The following ZNF862 variants were observed in gnomAD, a reference collection of about 807,000 sequenced individuals.
ZNF862 encodes zinc finger protein 862.
Under a neutral mutation model 91.1 loss-of-function variants are expected in ZNF862, and 64 were observed. That is an observed-to-expected ratio of 0.70 (90% confidence interval 0.57 to 0.87). The LOEUF (loss-of-function observed/expected upper bound fraction) is 0.87. Ranked by LOEUF, ZNF862 falls within the 40% of genes least tolerant of loss-of-function variation. The pLI, the probability that ZNF862 is intolerant of heterozygous loss-of-function variation, is 0.00. For missense variants in ZNF862, 1,459 were observed against 1,528.0 expected (o/e 0.95, Z 0.75); for synonymous variants, 631 against 618.1 (o/e 1.02, Z -0.31).
At position 149,847,771 on chromosome 7, in the gene ZNF862, T is replaced by G; in HGVS notation, c.278T>G (p.Val93Gly). ...KQMGYMGEME[V>G]QGPTRESGQS... is the part of the protein sequence containing the mutation. The stretch of plus-strand genomic sequence containing the variant: ...ATGGGCTACATGGGAGAAATGGAGG[T>G]GCAAGGTCCCACCAGGGAGAGTGGA... The change falls in exon 4 of 8, where the codon GTG (valine) becomes GGG (glycine). Residue 93 changes from valine to glycine, a missense_variant. Physicochemically the swap from Val to Gly is moderately radical, Grantham distance 109 (BLOSUM62 -3). Transcript: ENST00000223210. 6.2e-7 allele frequency: 1 copy of G among 1,613,392 alleles called. No individual in the cohort carries two copies. Among genetic ancestry groups the G allele is most frequent in the Non-Finnish European group, 8.5e-7 (1 of 1,179,674 alleles).
chr7:149,845,347 A>G (rs538218856), intron 2 of ZNF862, among the ~76,000 whole-genome samples: 39 of 152,322 alleles, frequency 2.6e-4, no homozygotes, highest in African/African-American at 9.1e-4. Context: ...ACATGTGTGT[A>G]CACATATGCA....
intron 6 of ZNF862, 153 bp downstream of exon 6, chr7:149,859,679 C>T (rs1219167102): frequency 3.2e-6 from 2 of 625,274 alleles, no homozygotes; most frequent in Non-Finnish European, 5.6e-6. Context: ...GATGAATAAG[C>T]AACTAACCCT....
rs1260349138 is a variant in ZNF862 at position 149,862,347 on chromosome 7, A to T, written c.3187A>T (p.Asn1063Tyr). ...ERTKLSNEVLNMLMMTAVNGV... is the reference protein window; with the variant it reads ...ERTKLSNEVLYMLMMTAVNGV... The stretch of plus-strand genomic sequence containing the variant: ...GACCAAGCTCTCCAACGAGGTGCTC[A>T]ACATGCTCATGATGACAGCTGTGAA... The change falls in exon 7 of 8, where the codon AAC (asparagine) becomes TAC (tyrosine). Residue 1063 changes from asparagine to tyrosine, a missense_variant. Transcript: ENST00000223210. 6.2e-7 allele frequency: 1 copy of T among 1,613,398 alleles called. No homozygotes were observed. The highest frequency in any genetic ancestry group is 1.1e-5 in the South Asian group (1 of 90,964).
chr7:149,843,673 T>C (rs1801779248), intron 1 of ZNF862, among the ~76,000 whole-genome samples: 1 of 152,178 alleles, frequency 6.6e-6, no homozygotes, highest in South Asian at 2.1e-4. Flanking sequence ...ACCGAAAATG[T>C]AATAGCTCTG....
intron 7 of ZNF862, among the ~76,000 whole-genome samples, chr7:149,863,318 C>T (rs1029218871): frequency 7.0e-6 from 1 of 143,012 alleles, no homozygotes; most frequent in African/African-American, 3.0e-5. Flanking sequence ...AGCTGGCCTC[C>T]TTCCGGCTGT....
intron 5 of ZNF862, among the ~76,000 whole-genome samples, chr7:149,852,332 C>T (rs1441911156): frequency 7.7e-6 from 1 of 130,430 alleles, no homozygotes; most frequent in Non-Finnish European, 1.6e-5. Context: ...GGGGTGAACT[C>T]AGTTTTGTGT....
chr7:149,846,130 C>CTTT (rs34196240), intron 2 of ZNF862, 21 bp from the exon 3 acceptor site: 26 of 1,360,540 alleles, frequency 1.9e-5, no homozygotes, highest in East Asian at 4.9e-5. Flanking sequence ...CTCTCGCTCT[C>CTTT]TTTTTTTTTT....
intron 1 of ZNF862, among the ~76,000 whole-genome samples, chr7:149,842,602 A>G (rs935300308): frequency 7.2e-5 from 11 of 152,208 alleles, no homozygotes; most frequent in Non-Finnish European, 1.6e-4. Context: ...AGTCCTAGCC[A>G]TGTTCCTCCT....
At chr7:149,860,149 C>T (rs373863074) in intron 6 of ZNF862, 26 of 541,482 alleles carry the variant, frequency 4.8e-5, no homozygotes, top group African/African-American at 3.6e-4. Flanking sequence ...GTGGTTGGGG[C>T]GCTGGTGAAA....
intron 5 of ZNF862, among the ~76,000 whole-genome samples, chr7:149,854,292 C>T (rs931362069): frequency 6.6e-6 from 1 of 151,846 alleles, no homozygotes; most frequent in African/African-American, 2.4e-5. Flanking sequence ...TCAAAAGTGT[C>T]CCGATCAAAA....
chr7:149,838,835 G>C (rs1320888887), intron 1 of ZNF862, among the ~76,000 whole-genome samples, 200 bp downstream of exon 1: 2 of 152,256 alleles, frequency 1.3e-5, no homozygotes, highest in East Asian at 1.9e-4. Context: ...CTTCCGTTCG[G>C]TGTCCGCGCA....
rs754253765 is a variant in ZNF862 at position 149,861,074 on chromosome 7, C to T, written c.1914C>T (p.Ala638=). Residue 638 remains alanine (A), a synonymous_variant, in exon 7 of 8, where the codon GCC becomes GCT. Coordinates refer to ENST00000223210, the MANE Select transcript of ZNF862 (RefSeq NM_001099220.3). The surrounding 1 kb of genome is among the most constrained non-coding windows in gnomAD (Gnocchi z 6.7). ...GCTCCACCGACGCCTCCGAGCAGGC[C>T]TGCGTGGGGATTTACATCCGCTACT... ...LDSSTDASEQ[A]CVGIYIRYFK... is the part of the protein sequence containing the mutation. 4 of 1,612,740 alleles carry T rather than the reference C, an allele frequency of 2.5e-6. No individual in the cohort carries two copies. In the East Asian group the frequency reaches 6.7e-5, roughly 27 times the overall value.
At chr7:149,838,767 C>G (rs1384799833) in intron 1 of ZNF862, 132 bp downstream of exon 1, 3 of 563,344 alleles carry the variant, frequency 5.3e-6, no homozygotes, top group Non-Finnish European at 7.9e-6. Flanking sequence ...CGCCGGCCCG[C>G]CCTCTCTTCC....
At chr7:149,844,142 A>G (rs1477218375) in intron 1 of ZNF862, among the ~76,000 whole-genome samples, 1 of 152,136 alleles carries the variant, frequency 6.6e-6, no homozygotes, top group East Asian at 1.9e-4. Flanking sequence ...CCCCTTTACA[A>G]GCCACACGGG....
In ZNF862 at chr7:149,850,435, C is replaced by G; in HGVS notation, c.1117+97C>G. On this transcript the variant is annotated intron_variant, in intron 5 of 7. Coordinates refer to ENST00000223210, the MANE Select transcript of ZNF862 (RefSeq NM_001099220.3). This position sits in a 1 kb window ranked among gnomAD's most constrained non-coding sequence, Gnocchi z 4.2. ...TGTGGTTATCTTCCCATTCCTGCCC[C>G]CTCCCTGTGTGTAGGCAGAGACCGA... is the stretch of plus-strand genomic sequence containing the variant. 1.5e-6 allele frequency: 2 copies of G among 1,301,798 alleles called. No homozygotes were observed. The highest frequency in any genetic ancestry group is 1.0e-6 in the Non-Finnish European group (1 of 953,686). The allele number at this position is 1,301,798 out of a possible 1,614,324, so 80.6% of individuals were successfully genotyped here.
chr7:149,852,337 T>TTTTTTGTG (rs1554448261), intron 5 of ZNF862, among the ~76,000 whole-genome samples: 1 of 140,510 alleles, frequency 7.1e-6, no homozygotes, highest in African/African-American at 2.7e-5. Context: ...GAACTCAGTT[T>TTTTTTGTG]TGTGTGTGTG....
intron 3 of ZNF862, among the ~76,000 whole-genome samples, 165 bp downstream of exon 3, chr7:149,846,420 CT>C (rs1384844155): frequency 6.6e-5 from 10 of 152,370 alleles, no homozygotes; most frequent in Non-Finnish European, 1.2e-4. Context: ...CACACTGCCC[CT>C]AATGTCCTTC....
In ZNF862 at chr7:149,850,257, G is replaced by T; in HGVS notation, c.1036G>T (p.Glu346Ter). The T allele has an allele frequency of 1.2e-6, 2 of 1,613,604 alleles. No homozygotes were observed. Among genetic ancestry groups the T allele is most frequent in the South Asian group, 2.2e-5 (2 of 90,956 alleles). Reference protein sequence around the residue: ...EDVAVYFTREEWGMLDKRQKE... With the variant: ...EDVAVYFTRE ...TGTGGCAGTGTATTTCACCCGGGAG[G>T]AGTGGGGCATGCTAGACAAGCGGCA... Residue 346 changes from glutamate (E) to a stop codon, truncating the protein, a stop_gained, in exon 5 of 8, where the codon GAG (glutamate) becomes TAG (stop). Transcript: ENST00000223210. LOFTEE classifies it high-confidence loss of function. The surrounding 1 kb of genome is among the most constrained non-coding windows in gnomAD (Gnocchi z 4.2).
In ZNF862 at chr7:149,861,258, G is replaced by C. The variant is rs1293468169; in HGVS notation, c.2098G>C (p.Ala700Pro). ...GGTGGGGCTGGGGACGGATGGCTCA[G>C]CCATGTTGAGCTGCAGAGGAGGCCT... The part of the protein sequence containing the change: ...WVVGLGTDGS[A>P]MLSCRGGLVE... The change falls in exon 7 of 8, where the codon GCC (alanine) becomes CCC (proline). Residue 700 changes from alanine to proline, a missense_variant. Physicochemically the swap from Ala to Pro is conservative, Grantham distance 27. Coordinates refer to ENST00000223210, the MANE Select transcript of ZNF862 (RefSeq NM_001099220.3). The surrounding 1 kb of genome is among the most constrained non-coding windows in gnomAD (Gnocchi z 6.7). 1 of 1,612,118 alleles carries C rather than the reference G, an allele frequency of 6.2e-7. No homozygotes were observed. Among genetic ancestry groups the C allele is most frequent in the Non-Finnish European group, 8.5e-7 (1 of 1,179,524 alleles).
Sources: allele counts gnomAD v4.1 joint callset (sites outside exome capture counted in the v4.1 genomes callset), GRCh38; gene constraint gnomAD v4.1.1; non-coding constraint Gnocchi (gnomAD v3.1); transcripts MANE v1.5; gene names NCBI Gene and HGNC (gene_info 2026-07-23, HGNC 2026-07-21).